The following CIMIP4 variants were observed in gnomAD, a reference collection of about 807,000 sequenced individuals.
CIMIP4 encodes the protein protein EAN57.
the CIMIP4 span, among the ~76,000 whole-genome samples, chr22:36,998,678 A>G: frequency 6.6e-6 from 1 of 152,132 alleles, no homozygotes; most frequent in Non-Finnish European, 1.5e-5. Flanking sequence ...TTCTAAGGCA[A>G]ATGATCTGAA....
At chr22:36,998,840 A>T in the CIMIP4 span, among the ~76,000 whole-genome samples, 28 of 152,222 alleles carry the variant, frequency 1.8e-4, no homozygotes, top group African/African-American at 6.3e-4. Flanking sequence ...TGGAGAAGAA[A>T]AATGATAGCC....
the CIMIP4 span, chr22:37,000,005 G>A: frequency 6.2e-7 from 1 of 1,600,390 alleles, no homozygotes; most frequent in Non-Finnish European, 8.5e-7. Flanking sequence ...AGGCAGGGAT[G>A]ACAGACAGGG....
chr22:36,992,511 T>A, the CIMIP4 span, among the ~76,000 whole-genome samples: 9 of 152,138 alleles, frequency 5.9e-5, no homozygotes, highest in African/African-American at 1.9e-4. Context: ...TGAAAAAAAA[T>A]TAAACTCCAT....
At chr22:36,992,920 C>T in the CIMIP4 span, among the ~76,000 whole-genome samples, 1 of 149,726 alleles carries the variant, frequency 6.7e-6, no homozygotes, top group African/African-American at 2.4e-5. Context: ...TATCTAAATC[C>T]TATATATAAT....
the CIMIP4 span, among the ~76,000 whole-genome samples, chr22:37,007,000 A>G: frequency 6.6e-6 from 1 of 152,130 alleles, no homozygotes; most frequent in Non-Finnish European, 1.5e-5. Context: ...GCCTCTTGCC[A>G]ACAGCTCCAG....
the CIMIP4 span, chr22:36,999,942 C>A: frequency 2.5e-6 from 4 of 1,613,866 alleles, no homozygotes; most frequent in Admixed American, 1.7e-5. Flanking sequence ...CATGAGCTTG[C>A]CCTTTTCTGG....
the CIMIP4 span, among the ~76,000 whole-genome samples, chr22:37,005,056 T>A: frequency 6.6e-6 from 1 of 152,140 alleles, no homozygotes; most frequent in South Asian, 2.1e-4. Flanking sequence ...TGACAGCAAA[T>A]GCCGTGTTTT....
chr22:36,992,176 G>A, the CIMIP4 span, among the ~76,000 whole-genome samples: 1 of 152,076 alleles, frequency 6.6e-6, no homozygotes, highest in Non-Finnish European at 1.5e-5. Context: ...GTGAAACCCC[G>A]TCTCTACTAA....
At chr22:36,992,282 G>A in the CIMIP4 span, among the ~76,000 whole-genome samples, 1 of 152,180 alleles carries the variant, frequency 6.6e-6, no homozygotes, top group Non-Finnish European at 1.5e-5. Flanking sequence ...GGGAGGCGGA[G>A]GTTGCAGTGA....
the CIMIP4 span, chr22:36,991,144 T>G: frequency 6.3e-7 from 1 of 1,597,758 alleles, no homozygotes; most frequent in South Asian, 1.1e-5. Flanking sequence ...TGTTAGCACT[T>G]TATTTGAGTA....
the CIMIP4 span, chr22:37,004,045 T>C: frequency 6.5e-7 from 1 of 1,537,876 alleles, no homozygotes; most frequent in Admixed American, 2.0e-5. Flanking sequence ...AAGCACCACG[T>C]TTCATCGTCT....
chr22:36,998,494 T>G, the CIMIP4 span, among the ~76,000 whole-genome samples: 211 of 152,112 alleles, frequency 1.4e-3, 3 homozygotes, highest in East Asian at 0.031. Flanking sequence ...AACCAGAATG[T>G]GGGGCAGAGA....
the CIMIP4 span, among the ~76,000 whole-genome samples, chr22:36,992,213 G>A: frequency 6.6e-6 from 1 of 152,266 alleles, no homozygotes; most frequent in Admixed American, 6.5e-5. Context: ...TGGGCGTGGT[G>A]GCGGGCTCCT....
At chr22:37,004,022 A>C in the CIMIP4 span, 2 of 1,546,926 alleles carry the variant, frequency 1.3e-6, no homozygotes, top group Non-Finnish European at 1.7e-6. Flanking sequence ...TTCCAAGCTT[A>C]GTCCTGTAAA....
chr22:37,000,125 G>C, the CIMIP4 span: 7 of 1,130,072 alleles, frequency 6.2e-6, no homozygotes, highest in Non-Finnish European at 8.5e-6. Flanking sequence ...CCTATTCACA[G>C]GGCTGGGGAG....
chr22:37,003,095 G>C, the CIMIP4 span, among the ~76,000 whole-genome samples: 4 of 152,246 alleles, frequency 2.6e-5, no homozygotes, highest in African/African-American at 9.6e-5. Context: ...AGATACATAA[G>C]GGCTGGGCAT....
the CIMIP4 span, chr22:36,999,824 T>C: frequency 1.2e-4 from 194 of 1,608,632 alleles, 1 homozygote; most frequent in Admixed American, 1.6e-3. Flanking sequence ...GCCCCACCCT[T>C]GCCCTTTGAC....
At chr22:37,001,744 GTA>G in the CIMIP4 span, 1 of 1,267,462 alleles carries the variant, frequency 7.9e-7, no homozygotes, top group Non-Finnish European at 1.1e-6. Flanking sequence ...CTTTCTAGTG[GTA>G]TTATTATAGG....
chr22:37,002,610 C>T, the CIMIP4 span, among the ~76,000 whole-genome samples: 1 of 152,174 alleles, frequency 6.6e-6, no homozygotes, highest in African/African-American at 2.4e-5. Context: ...CGCCTTGAGG[C>T]CTAGCTGTGT....
Sources: gnomAD v4.1 joint callset for allele counts (sites outside exome capture counted in the v4.1 genomes callset) on GRCh38, gnomAD v4.1.1 for gene constraint, MANE v1.5 for transcripts, NCBI Gene and HGNC (gene_info 2026-07-23, HGNC 2026-07-21) for gene names.